The following POM121C variants were observed in gnomAD, a reference collection of about 807,000 sequenced individuals.
The protein encoded by POM121C is POM121 transmembrane nucleoporin C.
Under a neutral mutation model 66.4 loss-of-function variants are expected in POM121C, and 20 were observed. The ratio of observed to expected loss-of-function variants is 0.30; its 90% confidence interval spans 0.21 to 0.44. The LOEUF (loss-of-function observed/expected upper bound fraction) is 0.44, where lower values mean the gene tolerates loss of function less well. POM121C is among the 20% of genes least tolerant of loss of function. The pLI is 1.00. For synonymous variants in POM121C, 286 were observed against 528.0 expected (o/e 0.54, Z 6.28); for missense variants, 580 against 1,225.7 (o/e 0.47, Z 7.87).
chr7:75,419,451 A>C lies in POM121C; in HGVS notation c.2744-9T>G, dbSNP rs782279977. The C allele has an allele frequency of 2.7e-5, 43 of 1,612,888 alleles. No homozygotes were observed. Among genetic ancestry groups the C allele is most frequent in the Middle Eastern group, 3.3e-4 (2 of 5,974 alleles). Reference sequence around the variant, plus strand: ...GGTGGGGGTGGCGGTGCCTGGAATGAAGAGAACAGAGAGCTAGCCAGTGAG... The same window carrying C: ...GGTGGGGGTGGCGGTGCCTGGAATGCAGAGAACAGAGAGCTAGCCAGTGAG... On this transcript the variant is annotated splice_polypyrimidine_tract_variant and intron_variant, in intron 13 of 14. Coordinates refer to ENST00000615331, the MANE Select transcript of POM121C (RefSeq NM_001099415.3).
At chr7:75,421,388 G>C in intron 13 of POM121C, 121 bp downstream of exon 13, 1 of 1,508,536 alleles carries the variant, frequency 6.6e-7, no homozygotes, top group Non-Finnish European at 8.9e-7. Flanking sequence ...GCATCTCACT[G>C]AGTTCTATAT....
At chr7:75,481,619 C>T (rs1298299658) in intron 1 of POM121C, among the ~76,000 whole-genome samples, 1 of 152,062 alleles carries the variant, frequency 6.6e-6, no homozygotes, top group Admixed American at 6.5e-5. Flanking sequence ...CACTTGAGCC[C>T]AGTTCAAGAC....
chr7:75,422,046 C>A lies in POM121C; in HGVS notation c.2206G>T (p.Ala736Ser). 1 of 1,612,564 alleles carries A rather than the reference C, an allele frequency of 6.2e-7. No homozygotes were observed. Among genetic ancestry groups the A allele is most frequent in the Non-Finnish European group, 8.5e-7 (1 of 1,178,980 alleles). The change falls in exon 13 of 15, where the codon GCA becomes TCA. Residue 736 changes from alanine (A) to serine (S), a missense_variant. Transcript: ENST00000615331. ...FGSSFTFGNS[A>S]APAPATAPTP... ...GGTGCAGTAGCCGGGGCCGGGGCTG[C>A]AGAGTTTCCAAAAGTGAAAGAGCTG...
chr7:75,437,367 T>C, intron 7 of POM121C, 148 bp downstream of exon 7: 1 of 1,154,890 alleles, frequency 8.7e-7, no homozygotes, highest in East Asian at 2.4e-5. Flanking sequence ...TTGCCCAGGC[T>C]GGTTTTGAAC....
At chr7:75,440,831 A>G in intron 5 of POM121C, 123 bp downstream of exon 5, 1 of 1,521,378 alleles carries the variant, frequency 6.6e-7, no homozygotes, top group South Asian at 1.2e-5. Context: ...TGAAAGCCAA[A>G]GAAGGAGGCC....
intron 3 of POM121C, among the ~76,000 whole-genome samples, chr7:75,458,530 A>T (rs1316164928): frequency 6.6e-6 from 1 of 151,958 alleles, no homozygotes; most frequent in Non-Finnish European, 1.5e-5. Flanking sequence ...CCTGTCTCCA[A>T]ACAACAACAA....
chr7:75,471,875 G>A lies in POM121C; in HGVS notation c.-152+2829C>T, dbSNP rs587622743. ...CGTACACTTAAAAATGGTTAAGATG[G>A]TAAATTGTATGTTACGTTTTTGTTT... On this transcript the variant is annotated intron_variant, in intron 3 of 14. Transcript: ENST00000615331. Among the ~76,000 whole-genome samples the A allele has an allele frequency of 5.9e-5, 9 of 152,204 alleles. No homozygotes were observed. The South Asian group carries it at 1.9e-3, about 32-fold the overall frequency.
rs587661652 is a variant in POM121C, at chr7:75,455,750, C to T, written c.-151-14103G>A. ...CCTATCAGTTTACTGCACTGTGCTG[C>T]GTATCTACCGTGTCTATTTTCATTG... On this transcript the variant is annotated intron_variant, in intron 3 of 14. Coordinates refer to ENST00000615331, the MANE Select transcript of POM121C (RefSeq NM_001099415.3). Among the ~76,000 whole-genome samples the T allele has an allele frequency of 2.2e-3, 335 of 152,308 alleles. 3 individuals carry two copies. Among genetic ancestry groups the T allele is most frequent in the African/African-American group, 7.7e-3 (319 of 41,578 alleles).
intron 3 of POM121C, among the ~76,000 whole-genome samples, chr7:75,473,920 C>T (rs1441730588): frequency 6.6e-6 from 1 of 152,066 alleles, no homozygotes; most frequent in Non-Finnish European, 1.5e-5. Flanking sequence ...GATCTCCTGA[C>T]CTTGTGATCC....
At position 75,426,852 on chromosome 7, in the gene POM121C, G is replaced by T. The variant is rs184334439; in HGVS notation, c.481-399C>A. Among the ~76,000 whole-genome samples the T allele has an allele frequency of 8.2e-3, 1,217 of 147,620 alleles. 1 individual carries two copies. The highest frequency in any genetic ancestry group is 0.028 in the African/African-American group (1,148 of 40,388). ...AAATGAAAATGAAAAAAATTTGTTTGTGAAGAAAGACCCCTGAAAAGAAAG... is the reference window on the plus strand; with the variant it reads ...AAATGAAAATGAAAAAAATTTGTTTTTGAAGAAAGACCCCTGAAAAGAAAG... On this transcript the variant is annotated intron_variant, in intron 7 of 14. Coordinates refer to ENST00000615331, the MANE Select transcript of POM121C (RefSeq NM_001099415.3).
intron 3 of POM121C, among the ~76,000 whole-genome samples, chr7:75,460,668 A>G (rs1203170094): frequency 6.6e-6 from 1 of 152,056 alleles, no homozygotes; most frequent in Non-Finnish European, 1.5e-5. Flanking sequence ...ACATACTTAA[A>G]CAATGAAGAG....
At chr7:75,465,885 C>G (rs140802739) in intron 3 of POM121C, among the ~76,000 whole-genome samples, 8,842 of 103,828 alleles carry the variant, frequency 0.085, 406 homozygotes, top group Middle Eastern at 0.15. Flanking sequence ...AACAGAGTGA[C>G]ACCCTGTCTC....
intron 3 of POM121C, among the ~76,000 whole-genome samples, chr7:75,453,996 A>T (rs1369473468): frequency 3.9e-5 from 6 of 152,232 alleles, no homozygotes; most frequent in Non-Finnish European, 5.9e-5. Context: ...CCATGACAAC[A>T]CAGCAGAAAG....
At chr7:75,449,795 C>T (rs755317003) in intron 3 of POM121C, among the ~76,000 whole-genome samples, 1 of 152,014 alleles carries the variant, frequency 6.6e-6, no homozygotes, top group East Asian at 1.9e-4. Flanking sequence ...GCAGGCAGAT[C>T]GCCTGAAGTT....
chr7:75,417,475 C>T lies in POM121C; in HGVS notation c.*1321G>A. The T allele has an allele frequency of 1.0e-6, 1 of 978,498 alleles. No homozygotes were observed. The highest frequency in any genetic ancestry group is 1.2e-6 in the Non-Finnish European group (1 of 823,212). The allele number at this position is 978,498 out of a possible 1,614,324, so 60.6% of individuals were successfully genotyped here. A position where few individuals can be genotyped will look rare whatever the true frequency, so the allele number is the denominator to read the frequency against. On this transcript the variant is annotated 3_prime_UTR_variant, in exon 15 of 15. Coordinates refer to ENST00000615331, the MANE Select transcript of POM121C (RefSeq NM_001099415.3). ...ATATTTTTTTCTTTTAATTTAGACA[C>T]ACGCATTCATACTTCTCCCAAAGAG...
chr7:75,418,866 C>G lies in POM121C; in HGVS notation c.2894G>C (p.Gly965Ala). Residue 965 changes from glycine to alanine, a missense_variant, in exon 15 of 15, where the codon GGT becomes GCT. Transcript: ENST00000615331. ...FGSAAPSFSIGAGSKTPGARQ... is the reference protein window; with the variant it reads ...FGSAAPSFSIAAGSKTPGARQ... The stretch of plus-strand genomic sequence containing the variant: ...AGCCCCTGGGGTCTTGGATCCCGCA[C>G]CAATGGAAAATGAAGGGGCCGCCGA... 6.2e-7 allele frequency: 1 copy of G among 1,611,702 alleles called. No homozygotes were observed. Among genetic ancestry groups the G allele is most frequent in the African/African-American group, 1.3e-5 (1 of 74,938 alleles).
intron 3 of POM121C, chr7:75,442,274 G>A: frequency 6.9e-7 from 1 of 1,454,094 alleles, no homozygotes; most frequent in Non-Finnish European, 9.0e-7. Flanking sequence ...GCGGCGGCCA[G>A]GCCTATTCCG....
intron 1 of POM121C, among the ~76,000 whole-genome samples, chr7:75,478,208 G>A (rs587602512): frequency 1.2e-4 from 18 of 152,218 alleles, no homozygotes; most frequent in Admixed American, 2.6e-4. Flanking sequence ...CTCGTGATCC[G>A]CCCACCTTAG....
chr7:75,466,002 T>C (rs587765252), intron 3 of POM121C, among the ~76,000 whole-genome samples: 3 of 149,928 alleles, frequency 2.0e-5, no homozygotes, highest in African/African-American at 7.4e-5. Context: ...TGCATACCTG[T>C]AGTCCCAAGT....
Sources: gnomAD v4.1 joint callset for allele counts (sites outside exome capture counted in the v4.1 genomes callset) on GRCh38, gnomAD v4.1.1 for gene constraint, MANE v1.5 for transcripts, NCBI Gene and HGNC (gene_info 2026-07-23, HGNC 2026-07-21) for gene names.